GALNTL6: variants seen among roughly 807,000 people sequenced by gnomAD.
GALNTL6 encodes polypeptide N-acetylgalactosaminyltransferase like 6.
In GALNTL6, 46 loss-of-function variants were observed where a neutral mutation model predicts 73.7. The ratio of observed to expected loss-of-function variants is 0.62; its 90% confidence interval spans 0.49 to 0.80. The LOEUF (loss-of-function observed/expected upper bound fraction) is 0.80. GALNTL6 is among the 30% of genes least tolerant of loss of function. GALNTL6 has a pLI of 0.00. For missense variants in GALNTL6, 604 were observed against 755.0 expected, an observed-to-expected ratio of 0.80 and a Z score of 2.34; for synonymous variants, 259 against 263.7, an observed-to-expected ratio of 0.98 and a Z score of 0.17.
rs1738169612 is a variant in GALNTL6 at position 172,762,508 on chromosome 4, A to G, written c.554-46853A>G. 2.6e-5 allele frequency among the ~76,000 whole-genome samples: 4 copies of G among 151,712 alleles called. No individual in the cohort carries two copies. In the South Asian group the frequency reaches 8.3e-4, roughly 31 times the overall value. ...ATGAGATTGCCCGTGGAAAATCCCCAGGCTCTGTCTTTACCTTTTCTAGTC... is the reference window on the plus strand; with the variant it reads ...ATGAGATTGCCCGTGGAAAATCCCCGGGCTCTGTCTTTACCTTTTCTAGTC... On this transcript the variant is annotated intron_variant, in intron 5 of 12. Coordinates refer to ENST00000506823, the MANE Select transcript of GALNTL6 (RefSeq NM_001034845.3).
intron 2 of GALNTL6, among the ~76,000 whole-genome samples, chr4:172,084,843 A>T (rs1731979558): frequency 6.6e-6 from 1 of 152,188 alleles, no homozygotes; most frequent in South Asian, 2.1e-4. Flanking sequence ...TAAGAAGGAG[A>T]ATAGACACAG....
intron 2 of GALNTL6, among the ~76,000 whole-genome samples, chr4:171,900,674 G>A (rs926015340): frequency 2.0e-5 from 3 of 151,826 alleles, no homozygotes; most frequent in Non-Finnish European, 4.4e-5. Context: ...CAAGGATATA[G>A]GACTTATATG....
At chr4:172,379,229 A>G (rs1743165783) in intron 5 of GALNTL6, among the ~76,000 whole-genome samples, 2 of 152,220 alleles carry the variant, frequency 1.3e-5, no homozygotes, top group South Asian at 2.1e-4. Flanking sequence ...GCTAGGGAAC[A>G]TATTCTAAAG....
At chr4:172,176,324 C>T (rs1393114112) in intron 2 of GALNTL6, among the ~76,000 whole-genome samples, 3 of 24,766 alleles carry the variant, frequency 1.2e-4, no homozygotes, top group East Asian at 9.5e-4. Flanking sequence ...TGGGCGACAG[C>T]GAGACTCCGT....
At chr4:171,822,595 A>C (rs1560801750) in intron 2 of GALNTL6, among the ~76,000 whole-genome samples, 1 of 152,200 alleles carries the variant, frequency 6.6e-6, no homozygotes, top group South Asian at 2.1e-4. Context: ...AAGGTAGTAA[A>C]TAACCTTAAA....
intron 5 of GALNTL6, among the ~76,000 whole-genome samples, chr4:172,688,697 C>T (rs1349327924): frequency 1.3e-5 from 2 of 152,184 alleles, no homozygotes; most frequent in Non-Finnish European, 2.9e-5. Context: ...CTGTGCAGGC[C>T]ACTCTGTCAA....
intron 9 of GALNTL6, among the ~76,000 whole-genome samples, chr4:172,946,737 T>C (rs1418173615): frequency 2.0e-5 from 3 of 152,200 alleles, no homozygotes; most frequent in Non-Finnish European, 4.4e-5. Context: ...TAGAGGAACA[T>C]TTGTGACACA....
intron 12 of GALNTL6, among the ~76,000 whole-genome samples, chr4:173,032,356 C>G (rs1309493222): frequency 6.6e-6 from 1 of 151,346 alleles, no homozygotes; most frequent in Non-Finnish European, 1.5e-5. Context: ...GAGGCTGAGG[C>G]AGGAGAATGG....
chr4:172,934,970 C>T (rs1748531069), intron 9 of GALNTL6, among the ~76,000 whole-genome samples: 1 of 152,226 alleles, frequency 6.6e-6, no homozygotes. Flanking sequence ...ACAAACTCCT[C>T]TGTGAATGTC....
chr4:172,608,381 T>G (rs967002284), intron 5 of GALNTL6, among the ~76,000 whole-genome samples: 14 of 152,160 alleles, frequency 9.2e-5, no homozygotes, highest in African/African-American at 3.4e-4. Flanking sequence ...ATTTATTGAA[T>G]AGAGAATTCT....
intron 2 of GALNTL6, among the ~76,000 whole-genome samples, chr4:172,192,322 T>A (rs1431013169): frequency 6.6e-6 from 1 of 151,804 alleles, no homozygotes; most frequent in African/African-American, 2.4e-5. Context: ...TAAAAAAATT[T>A]TAAAGGCCTG....
intron 3 of GALNTL6, among the ~76,000 whole-genome samples, chr4:172,278,951 G>C (rs2111074506): frequency 6.6e-6 from 1 of 152,244 alleles, no homozygotes; most frequent in Non-Finnish European, 1.5e-5. Flanking sequence ...AGGGTGCCAA[G>C]AGTATTCAGT....
At chr4:171,903,494 C>T (rs898888080) in intron 2 of GALNTL6, among the ~76,000 whole-genome samples, 9 of 152,024 alleles carry the variant, frequency 5.9e-5, no homozygotes, top group East Asian at 1.9e-4. Context: ...GAGGGTCCCA[C>T]GCCCACGGAG....
chr4:171,995,982 G>A (rs1305135005), intron 2 of GALNTL6, among the ~76,000 whole-genome samples: 1 of 151,960 alleles, frequency 6.6e-6, no homozygotes, highest in Non-Finnish European at 1.5e-5. Flanking sequence ...CACAATTGGG[G>A]CATGAAATTT....
chr4:172,115,673 G>T (rs762334392), intron 2 of GALNTL6, among the ~76,000 whole-genome samples: 1 of 151,914 alleles, frequency 6.6e-6, no homozygotes, highest in Non-Finnish European at 1.5e-5. Flanking sequence ...GAGTAATTAC[G>T]GGAATGACAT....
intron 7 of GALNTL6, among the ~76,000 whole-genome samples, chr4:172,844,603 G>T (rs1480189686): frequency 6.6e-6 from 1 of 152,130 alleles, no homozygotes; most frequent in African/African-American, 2.4e-5. Flanking sequence ...AAAATGAGGA[G>T]GTCTCTTTTC....
chr4:171,831,113 T>C (rs1303621364), intron 2 of GALNTL6, among the ~76,000 whole-genome samples: 3 of 152,068 alleles, frequency 2.0e-5, no homozygotes, highest in African/African-American at 7.2e-5. Flanking sequence ...CTTCAGACCT[T>C]AAGACTTCTA....
At chr4:172,444,504 A>G (rs1364924525) in intron 5 of GALNTL6, among the ~76,000 whole-genome samples, 1 of 152,182 alleles carries the variant, frequency 6.6e-6, no homozygotes, top group Non-Finnish European at 1.5e-5. Flanking sequence ...GTTTTGCAGC[A>G]TGTAGTTTGA....
At chr4:172,271,367 CAT>C (rs1470390776) in intron 3 of GALNTL6, among the ~76,000 whole-genome samples, 4 of 152,206 alleles carry the variant, frequency 2.6e-5, no homozygotes, top group South Asian at 2.1e-4. Context: ...TAGACACACA[CAT>C]AGAGATGCAT....
Sources: gnomAD v4.1 joint callset for allele counts (sites outside exome capture counted in the v4.1 genomes callset) on GRCh38, gnomAD v4.1.1 for gene constraint, MANE v1.5 for transcripts, NCBI Gene and HGNC (gene_info 2026-07-23, HGNC 2026-07-21) for gene names.